Variants in AIFM3 observed in about 807,000 individuals in gnomAD.
The protein encoded by AIFM3 is AIF family member 3.
AIFM3 carries 71 observed loss-of-function variants against 82.7 expected under a neutral mutation model. The ratio of observed to expected loss-of-function variants is 0.86; its 90% CI spans 0.71 to 1.05. The LOEUF is 1.05. Ranked by LOEUF, AIFM3 falls within the 50% of genes least tolerant of loss-of-function variation. The pLI is 0.00. For missense variants in AIFM3, 748 were observed against 816.7 expected (o/e 0.92, Z 1.03); for synonymous variants, 337 against 329.1 (o/e 1.02, Z -0.26).
intron 19 of AIFM3, 143 bp from the exon 20 acceptor site, chr22:20,980,604 G>A (rs1924038955): frequency 2.0e-6 from 2 of 991,610 alleles, no homozygotes; most frequent in South Asian, 2.6e-5. Flanking sequence ...CCCAGGGACT[G>A]GGGACAGCCT....
chr22:20,976,274 G>A lies in AIFM3; in HGVS notation c.867G>A (p.Glu289=). Residue 289 remains glutamate (E), a synonymous_variant, in exon 10 of 21, where the codon GAG becomes GAA. Coordinates refer to ENST00000440238, the MANE Select transcript of AIFM3 (RefSeq NM_001386814.1). ...TGTTCAAGGATGGCTTCAAGCTGGA[G>A]TACAGCAAGCTGCTGCTGGCACCAG... ...KVVFKDGFKL[E]YSKLLLAPGS... 1 of 1,614,076 alleles carries A rather than the reference G, an allele frequency of 6.2e-7. No individual in the cohort carries two copies.
intron 2 of AIFM3, 41 bp from the exon 3 acceptor site, chr22:20,973,266 T>C: frequency 6.5e-7 from 1 of 1,547,962 alleles, no homozygotes; most frequent in Non-Finnish European, 8.7e-7. Context: ...GGGGAGGAAG[T>C]TGGCTGAGGT....
chr22:20,968,444 G>A (rs1029582783), intron 2 of AIFM3, among the ~76,000 whole-genome samples: 4 of 152,108 alleles, frequency 2.6e-5, no homozygotes, highest in Admixed American at 6.5e-5. Flanking sequence ...AGGGTGTAGT[G>A]GGCAGATCCT....
chr22:20,975,785 G>T lies in AIFM3; in HGVS notation c.807+7G>T. Reference sequence around the variant, plus strand: ...GGTGCTCACCGAGGCTCAGGTACAGGGTCAAGGGTGGGAAACAGGCCCGAG... The same window carrying T: ...GGTGCTCACCGAGGCTCAGGTACAGTGTCAAGGGTGGGAAACAGGCCCGAG... On this transcript the variant is annotated splice_region_variant and intron_variant, in intron 9 of 20. Coordinates refer to ENST00000440238, the MANE Select transcript of AIFM3 (RefSeq NM_001386814.1). The T allele has an allele frequency of 1.2e-6, 2 of 1,611,200 alleles. No individual in the cohort carries two copies. Among genetic ancestry groups the T allele is most frequent in the African/African-American group, 2.7e-5 (2 of 75,064 alleles).
At position 20,981,235 on chromosome 22, in the gene AIFM3, ACT is replaced by A; in HGVS notation, c.*205_*206del. On this transcript the variant is annotated 3_prime_UTR_variant, in exon 21 of 21. Coordinates refer to ENST00000440238, the MANE Select transcript of AIFM3 (RefSeq NM_001386814.1). ...CTCAACCCTCAAGGCCTCTGCTGCC[ACT>A]GACAGCTGGCACTGGAGGCAGGACA... 1.5e-6 allele frequency: 1 copy of A among 648,018 alleles called. No homozygotes were observed. The highest frequency in any genetic ancestry group is 2.6e-6 in the Non-Finnish European group (1 of 380,490). 40.1% of individuals were successfully genotyped at this position (648,018 alleles called of 1,614,324 possible).
At chr22:20,965,214 GC>G (rs377064692), upstream of AIFM3, 11,383 of 148,808 alleles carry the variant, frequency 0.076, 590 homozygotes, top group South Asian at 0.23. Context: ...CCAGGTGAGC[GC>G]CCGCCCCGGG....
chr22:20,976,363 G>A lies in AIFM3; in HGVS notation c.900-45G>A, dbSNP rs1477131374. ...CTAGGCAGGGCACTGGCCTGGACGG[G>A]GCTGGGGCTGCCAGGAGGCCCTCAC... On this transcript the variant is annotated intron_variant, in intron 10 of 20. Transcript: ENST00000440238. The A allele has an allele frequency of 3.7e-6, 6 of 1,613,558 alleles. No homozygotes were observed. The East Asian group carries it at 8.9e-5, about 24-fold the overall frequency.
In AIFM3 at chr22:20,975,563, C is replaced by G. The variant is rs570361378; in HGVS notation, c.721-129C>G. ...GGGATCACAGGCATGAGTCACTGCG[C>G]CTGGCCAGATCTGGGTTTGCTGAGT... On this transcript the variant is annotated intron_variant, in intron 8 of 20. Transcript: ENST00000440238. 46 of 827,316 alleles carry G rather than the reference C, an allele frequency of 5.6e-5. No homozygotes were observed. The African/African-American group carries it at 7.7e-4, about 14-fold the overall frequency. The allele number at this position is 827,316 out of a possible 1,614,324, so 51.2% of individuals were successfully genotyped here.
At chr22:20,979,871 G>A in intron 18 of AIFM3, 149 bp from the exon 19 acceptor site, 1 of 1,130,530 alleles carries the variant, frequency 8.8e-7, no homozygotes, top group Non-Finnish European at 1.3e-6. Flanking sequence ...GCCGCGATGT[G>A]CAAAGCAGGG....
chr22:20,980,620 C>A, intron 19 of AIFM3, 127 bp from the exon 20 acceptor site: 1 of 1,220,676 alleles, frequency 8.2e-7, no homozygotes, highest in Non-Finnish European at 1.2e-6. Flanking sequence ...AGCCTGGAGG[C>A]CACTGGGAGG....
intron 5 of AIFM3, 22 bp from the exon 6 acceptor site, chr22:20,974,230 C>G: frequency 6.2e-7 from 1 of 1,613,820 alleles, no homozygotes; most frequent in Non-Finnish European, 8.5e-7. Context: ...GGGGCTGGTC[C>G]TGAGCAATGC....
At chr22:20,965,181 C>T (rs1463993773), upstream of AIFM3, 14 of 147,766 alleles carry the variant, frequency 9.5e-5, no homozygotes, top group African/African-American at 3.4e-4. Context: ...CAAGCGGTTC[C>T]CGAGCCCAGG....
Position 20,976,686 on chromosome 22 carries a change from C to A in AIFM3, c.1066C>A (p.His356Asn). Residue 356 changes from histidine (H) to asparagine (N), a missense_variant, in exon 12 of 21, where the codon CAC becomes AAC. Physicochemically the swap from His to Asn is moderately conservative, Grantham distance 68 (BLOSUM62 1). Coordinates refer to ENST00000440238, the MANE Select transcript of AIFM3 (RefSeq NM_001386814.1). ...GGCCGCTTACCTGACGGAGAAGGCC[C>A]ACTCTGTGTCTGTGGTGGAGCTGGA... ...EVAAYLTEKA[H>N]SVSVVELEET... 1 of 1,609,706 alleles carries A rather than the reference C, an allele frequency of 6.2e-7. No homozygotes were observed. Among genetic ancestry groups the A allele is most frequent in the East Asian group, 2.2e-5 (1 of 44,612 alleles).
At chr22:20,976,991 T>C (rs1923725480) in intron 13 of AIFM3, 41 bp from the exon 14 acceptor site, 2 of 1,614,188 alleles carry the variant, frequency 1.2e-6, no homozygotes, top group Non-Finnish European at 1.7e-6. Context: ...CCCCTGAGCC[T>C]GGGAGCTGGG....
At chr22:20,979,981 G>C in intron 18 of AIFM3, 39 bp from the exon 19 acceptor site, 1 of 1,583,756 alleles carries the variant, frequency 6.3e-7, no homozygotes, top group South Asian at 1.1e-5. Flanking sequence ...AGGGGCTGCT[G>C]CCTCGCAGTC....
rs572514447 is a variant in AIFM3 at position 20,976,764 on chromosome 22, A to G, written c.1144A>G (p.Lys382Glu). 2 of 1,612,314 alleles carry G rather than the reference A, an allele frequency of 1.2e-6. No homozygotes were observed. The highest frequency in any genetic ancestry group is 2.2e-5 in the South Asian group (2 of 90,884). Residue 382 changes from lysine to glutamate, a missense_variant and splice_region_variant, in exon 12 of 21, where the codon AAG (lysine) becomes GAG (glutamate). By Grantham distance (56) the Lys-to-Glu change is moderately conservative (BLOSUM62 1). Around this residue, in one of 5 missense-constraint regions of AIFM3, gnomAD observed 393 missense variants for 481.1 expected, o/e 0.82. Transcript: ENST00000440238. ...LGERVGRALM[K>E]MFENNRVKFY... The stretch of plus-strand genomic sequence containing the variant: ...GGAGCGCGTGGGTCGTGCCCTCATG[A>G]AGGTGAGCCCACCCCAGCACCCAGT...
upstream of AIFM3, among the ~76,000 whole-genome samples, chr22:20,965,751 A>T (rs1212826807): frequency 6.6e-6 from 1 of 151,602 alleles, no homozygotes; most frequent in African/African-American, 2.4e-5. Context: ...TGGGGAGAGG[A>T]CCCTGCCCAG....
rs187065818 is a variant in AIFM3, at chr22:20,978,405, G to A, written c.1477+400G>A. Among the ~76,000 whole-genome samples, 442 of 152,162 alleles carry A rather than the reference G, an allele frequency of 2.9e-3. 1 individual carries two copies. The highest frequency in any genetic ancestry group is 8.0e-3 in the African/African-American group (334 of 41,504). Reference sequence around the variant, plus strand: ...TCAGTTCAGCCTCATGCAGGTCCCCGAGGTGCCATCTGAGCCCAGAGACGT... The same window carrying A: ...TCAGTTCAGCCTCATGCAGGTCCCCAAGGTGCCATCTGAGCCCAGAGACGT... On this transcript the variant is annotated intron_variant, in intron 16 of 20. Coordinates refer to ENST00000440238, the MANE Select transcript of AIFM3 (RefSeq NM_001386814.1).
chr22:20,973,687 G>T, intron 3 of AIFM3, 71 bp from the exon 4 acceptor site: 4 of 1,444,724 alleles, frequency 2.8e-6, no homozygotes, highest in Non-Finnish European at 3.7e-6. Context: ...CAGAAGGCTG[G>T]ACACTGGGAG....
Sources: allele counts gnomAD v4.1 joint callset (sites outside exome capture counted in the v4.1 genomes callset), GRCh38; gene constraint gnomAD v4.1.1; regional missense constraint gnomAD v4.1.1; transcripts MANE v1.5; gene names NCBI Gene and HGNC (gene_info 2026-07-23, HGNC 2026-07-21).